Variants in TRDN observed in about 807,000 individuals in gnomAD.
TRDN encodes the protein triadin.
A neutral mutation model predicts 149.7 loss-of-function variants in TRDN; 161 were observed. The observed-to-expected ratio is 1.08, with a 90% CI of 0.95 to 1.23. The LOEUF is 1.23. Among genes scored for constraint, TRDN ranks in the 50% most tolerant of loss-of-function variants. The pLI, the probability that TRDN is intolerant of heterozygous loss-of-function variation, is 0.00. For synonymous variants in TRDN, 294 were observed against 250.5 expected (o/e 1.17, Z -1.64); for missense variants, 896 against 823.5 (o/e 1.09, Z -1.08).
At chr6:123,630,781 G>A (rs1453526471) in intron 1 of TRDN, among the ~76,000 whole-genome samples, 4 of 151,902 alleles carry the variant, frequency 2.6e-5, no homozygotes, top group Non-Finnish European at 2.9e-5. Context: ...CATTGTCACT[G>A]CAAATTTTGT....
At chr6:123,351,410 C>T (rs1780458949) in intron 21 of TRDN, 8 of 984,798 alleles carry the variant, frequency 8.1e-6, no homozygotes, top group Non-Finnish European at 7.2e-6. Flanking sequence ...GGATCCAGTG[C>T]TCCCACTTTA....
rs1374604374 is a variant in TRDN, at chr6:123,636,919, T to C, written c.-144A>G. 2.2e-6 allele frequency: 2 copies of C among 897,860 alleles called. No individual in the cohort carries two copies. Among genetic ancestry groups the C allele is most frequent in the Non-Finnish European group, 1.8e-6 (1 of 567,302 alleles). The allele number at this position is 897,860 out of a possible 1,614,324, so 55.6% of individuals were successfully genotyped here. On this transcript the variant is annotated 5_prime_UTR_variant, in exon 1 of 41. Transcript: ENST00000334268. ...TTTTCCTGGCTGTTTCTGCTGCTTC[T>C]TTGTTGTCCTGTTGAACTTTGCCTC...
chr6:123,289,826 A>G (rs995824429), intron 24 of TRDN, among the ~76,000 whole-genome samples: 18 of 152,104 alleles, frequency 1.2e-4, no homozygotes, highest in African/African-American at 4.3e-4. Flanking sequence ...GACAAGAGCT[A>G]TCAACTTGGG....
chr6:123,451,896 AC>A (rs1332354450), intron 10 of TRDN, among the ~76,000 whole-genome samples: 1 of 152,148 alleles, frequency 6.6e-6, no homozygotes, highest in Non-Finnish European at 1.5e-5. Context: ...AAGATAATCC[AC>A]CATGATCAAG....
intron 40 of TRDN, among the ~76,000 whole-genome samples, chr6:123,220,876 A>G: frequency 6.6e-6 from 1 of 151,796 alleles, no homozygotes; most frequent in East Asian, 1.9e-4. Context: ...CTTTAATGCA[A>G]ATACAGATTT....
intron 24 of TRDN, among the ~76,000 whole-genome samples, chr6:123,308,338 GTT>G (rs56246935): frequency 1.3e-3 from 172 of 137,230 alleles, no homozygotes; most frequent in Middle Eastern, 3.7e-3. Context: ...GCACGTGTGT[GTT>G]TTTTTTTTTT....
chr6:123,621,812 A>C (rs191738871), intron 1 of TRDN, among the ~76,000 whole-genome samples: 18 of 152,158 alleles, frequency 1.2e-4, no homozygotes, highest in Non-Finnish European at 2.4e-4. Flanking sequence ...GGAAAGTTCA[A>C]AGAAAGAGGA....
intron 10 of TRDN, among the ~76,000 whole-genome samples, chr6:123,439,957 A>C (rs35016502): frequency 0.055 from 8,419 of 152,272 alleles, 291 homozygotes; most frequent in Non-Finnish European, 0.081. Context: ...TCTCTTTGTC[A>C]GTTGTCTCTC....
intron 38 of TRDN, among the ~76,000 whole-genome samples, chr6:123,244,786 A>C (rs1191184146): frequency 6.6e-6 from 1 of 152,162 alleles, no homozygotes; most frequent in Non-Finnish European, 1.5e-5. Flanking sequence ...TCCAAGACAC[A>C]TAGCCATCAG....
chr6:123,383,233 G>A (rs1781784803), intron 14 of TRDN, among the ~76,000 whole-genome samples: 2 of 152,000 alleles, frequency 1.3e-5, no homozygotes, highest in African/African-American at 2.4e-5. Flanking sequence ...TTCACAAAAG[G>A]CAGTTAGATG....
At chr6:123,328,134 G>T (rs1779528466) in intron 23 of TRDN, among the ~76,000 whole-genome samples, 1 of 152,176 alleles carries the variant, frequency 6.6e-6, no homozygotes. Flanking sequence ...AGAAAATCCT[G>T]ACTAGCCAAC....
At chr6:123,263,708 A>G (rs1776847484) in intron 33 of TRDN, among the ~76,000 whole-genome samples, 1 of 152,072 alleles carries the variant, frequency 6.6e-6, no homozygotes, top group Non-Finnish European at 1.5e-5. Flanking sequence ...TAGAGAGAAA[A>G]GTCAATATCT....
At chr6:123,366,586 C>T (rs377475275) in intron 19 of TRDN, among the ~76,000 whole-genome samples, 96 of 152,066 alleles carry the variant, frequency 6.3e-4, no homozygotes, top group African/African-American at 2.0e-3. Context: ...GGCGCAATCT[C>T]GACTCACTGC....
Position 123,224,147 on chromosome 6 carries a change from A to G in TRDN, c.1976-16T>C. 1 of 1,609,112 alleles carries G rather than the reference A, an allele frequency of 6.2e-7. No individual in the cohort carries two copies. Among genetic ancestry groups the G allele is most frequent in the Non-Finnish European group, 8.5e-7 (1 of 1,177,050 alleles). Reference sequence around the variant, plus strand: ...TCAACATCTTCTAGAGTACAGAAAAAAGGCACATAGAATCACAGTCAATTT... The same window carrying G: ...TCAACATCTTCTAGAGTACAGAAAAGAGGCACATAGAATCACAGTCAATTT... On this transcript the variant is annotated splice_polypyrimidine_tract_variant and intron_variant, in intron 38 of 40. Coordinates refer to ENST00000334268, the MANE Select transcript of TRDN (RefSeq NM_006073.4).
chr6:123,376,014 T>A (rs1662104323), intron 18 of TRDN, among the ~76,000 whole-genome samples: 1 of 152,140 alleles, frequency 6.6e-6, no homozygotes, highest in African/African-American at 2.4e-5. Context: ...ATTATTCAAA[T>A]TGATGGTTTT....
intron 13 of TRDN, among the ~76,000 whole-genome samples, chr6:123,391,613 A>G (rs1190588339): frequency 6.6e-6 from 1 of 152,064 alleles, no homozygotes; most frequent in African/African-American, 2.4e-5. Context: ...TTGTTAAAAT[A>G]ATTTCCTTAA....
chr6:123,321,381 A>C (rs1321518096), intron 23 of TRDN, among the ~76,000 whole-genome samples: 1 of 152,168 alleles, frequency 6.6e-6, no homozygotes, highest in Non-Finnish European at 1.5e-5. Flanking sequence ...AATTAAAAAA[A>C]ACATTTTATT....
chr6:123,486,201 A>G (rs1041093428), intron 9 of TRDN, among the ~76,000 whole-genome samples: 3 of 151,904 alleles, frequency 2.0e-5, no homozygotes, highest in African/African-American at 7.2e-5. Flanking sequence ...AAAATGTTGT[A>G]TATCTAAACG....
At chr6:123,551,364 C>CACACACAT (rs1443577727) in intron 2 of TRDN, among the ~76,000 whole-genome samples, 1 of 150,754 alleles carries the variant, frequency 6.6e-6, no homozygotes, top group African/African-American at 2.4e-5. Context: ...CACACACACA[C>CACACACAT]ACACACACAC....
Sources: gnomAD v4.1 joint callset for allele counts (sites outside exome capture counted in the v4.1 genomes callset) on GRCh38, gnomAD v4.1.1 for gene constraint, MANE v1.5 for transcripts, NCBI Gene and HGNC (gene_info 2026-07-23, HGNC 2026-07-21) for gene names.